Variants in FUT8 observed in about 807,000 individuals in gnomAD.
The protein encoded by FUT8 is fucosyltransferase 8, also known as alpha-(1,6)-fucosyltransferase.
Under a neutral mutation model 71.3 loss-of-function variants are expected in FUT8, and 29 were observed. The ratio of observed to expected loss-of-function variants is 0.41; its 90% confidence interval spans 0.30 to 0.55. The LOEUF is 0.55. FUT8 is among the 20% of genes least tolerant of loss of function. The probability of loss-of-function intolerance (pLI) is 0.34; values close to 1 mark genes in which losing one functional copy is unlikely to be tolerated. For synonymous variants in FUT8, 254 were observed against 239.3 expected, an observed-to-expected ratio of 1.06 and a Z score of -0.57; for missense variants, 544 against 702.1, an observed-to-expected ratio of 0.77 and a Z score of 2.55.
In FUT8 at chr14:65,526,828, G is replaced by T. The variant is rs898783312; in HGVS notation, c.-227-34509G>T. On this transcript the variant is annotated intron_variant, in intron 2 of 10. Coordinates refer to ENST00000673929, the MANE Select transcript of FUT8 (RefSeq NM_001371533.1). ...ATTTCTCCTTCACTTATGAAGCTTA[G>T]TTTGGCTGGATATGAAATTCTGGGT... 3.2e-4 allele frequency among the ~76,000 whole-genome samples: 49 copies of T among 152,134 alleles called. 1 individual carries two copies. The highest frequency in any genetic ancestry group is 1.1e-3 in the African/African-American group (47 of 41,424).
intron 6 of FUT8, among the ~76,000 whole-genome samples, chr14:65,659,502 C>T (rs1891858218): frequency 6.6e-6 from 1 of 152,106 alleles, no homozygotes; most frequent in Non-Finnish European, 1.5e-5. Context: ...ACATTTGGAG[C>T]AGCTTTTGCA....
the FUT8 span, among the ~76,000 whole-genome samples, chr14:65,366,810 G>T: frequency 6.6e-6 from 1 of 152,120 alleles, no homozygotes; most frequent in Non-Finnish European, 1.5e-5. Flanking sequence ...TCAGTTAAAA[G>T]GTTTAAAATG....
At chr14:65,426,807 A>C (rs1184352303) in intron 1 of FUT8, among the ~76,000 whole-genome samples, 3 of 152,216 alleles carry the variant, frequency 2.0e-5, no homozygotes, top group Non-Finnish European at 4.4e-5. Flanking sequence ...TTAAAAGCTG[A>C]ATATGAATCC....
intron 9 of FUT8, among the ~76,000 whole-genome samples, chr14:65,731,186 C>T (rs1476023151): frequency 1.3e-5 from 2 of 152,052 alleles, no homozygotes; most frequent in African/African-American, 4.8e-5. Flanking sequence ...AGGGAGTAAC[C>T]AACAGGTAGA....
rs1163052408 is a variant in FUT8, at chr14:65,602,343, TCACACACACACACACACACACA to T, written c.204-13596_204-13575del. Among the ~76,000 whole-genome samples the T allele has an allele frequency of 5.2e-4, 25 of 48,502 alleles. No individual in the cohort carries two copies. The East Asian group carries it at 0.015, about 29-fold the overall frequency. The allele number at this position is 48,502 out of a possible 152,430, so 31.8% of individuals were successfully genotyped here. On this transcript the variant is annotated intron_variant, in intron 3 of 10. Coordinates refer to ENST00000673929, the MANE Select transcript of FUT8 (RefSeq NM_001371533.1). ...TCATGGCCGAGTAGCGTTCCATCTC[TCACACACACACACACACACACA>T]CACACACACACACACACACACACAC...
At chr14:65,605,331 T>C (rs2140181754) in intron 3 of FUT8, among the ~76,000 whole-genome samples, 2 of 152,054 alleles carry the variant, frequency 1.3e-5, no homozygotes, top group South Asian at 4.2e-4. Context: ...ACGGGCTTAA[T>C]TGCTTCCCCC....
intron 1 of FUT8, among the ~76,000 whole-genome samples, chr14:65,435,754 A>G (rs2065546065): frequency 6.7e-6 from 1 of 149,168 alleles, no homozygotes; most frequent in Non-Finnish European, 1.5e-5. Context: ...GTTGCTCTAC[A>G]TCCTTACTAG....
the FUT8 span, among the ~76,000 whole-genome samples, chr14:65,393,956 T>G: frequency 6.6e-6 from 1 of 152,096 alleles, no homozygotes; most frequent in East Asian, 1.9e-4. Context: ...TTTCCCCTTA[T>G]CATTATTATT....
At chr14:65,641,502 C>T (rs956292723) in intron 6 of FUT8, among the ~76,000 whole-genome samples, 4 of 152,138 alleles carry the variant, frequency 2.6e-5, no homozygotes, top group Non-Finnish European at 5.9e-5. Context: ...TGGGCATATA[C>T]TTCCATTTTT....
At chr14:65,450,856 C>G (rs2065811037) in intron 1 of FUT8, among the ~76,000 whole-genome samples, 1 of 151,656 alleles carries the variant, frequency 6.6e-6, no homozygotes, top group African/African-American at 2.4e-5. Context: ...CAGCCTACCA[C>G]CCTTCCACCC....
chr14:65,396,784 C>G, the FUT8 span, among the ~76,000 whole-genome samples: 1 of 152,200 alleles, frequency 6.6e-6, no homozygotes, highest in Non-Finnish European at 1.5e-5. This position sits in a 1 kb window ranked among gnomAD's most constrained non-coding sequence, Gnocchi z 5.5. Flanking sequence ...CCATTATCCT[C>G]TAATATTAAT....
upstream of FUT8, chr14:65,412,426 T>A (rs1387648728): frequency 2.3e-6 from 1 of 434,704 alleles, no homozygotes; most frequent in South Asian, 1.6e-5. Flanking sequence ...GCGAGTCTCC[T>A]CCCGGGATCC....
intron 7 of FUT8, among the ~76,000 whole-genome samples, chr14:65,699,145 TACACACACAC>T (rs60092488): frequency 0.32 from 42,089 of 131,916 alleles, 6,852 homozygotes; most frequent in Non-Finnish European, 0.38. Flanking sequence ...CCCTCCCTTC[TACACACACAC>T]ACACACACAC....
At chr14:65,423,639 T>C (rs1413918908) in intron 1 of FUT8, among the ~76,000 whole-genome samples, 2 of 152,202 alleles carry the variant, frequency 1.3e-5, no homozygotes, top group African/African-American at 2.4e-5. Flanking sequence ...TCTCCTGTTA[T>C]CGTGACGTTT....
intron 2 of FUT8, among the ~76,000 whole-genome samples, chr14:65,487,487 C>T (rs1390496610): frequency 6.9e-5 from 10 of 144,722 alleles, no homozygotes; most frequent in Non-Finnish European, 1.2e-4. Flanking sequence ...CACTTGAACC[C>T]GGGAGGCAGA....
At chr14:65,466,729 G>A (rs1040679070) in intron 2 of FUT8, among the ~76,000 whole-genome samples, 1 of 151,876 alleles carries the variant, frequency 6.6e-6, no homozygotes, top group Non-Finnish European at 1.5e-5. Flanking sequence ...TAGTCTGGGC[G>A]ACAGAGCAAG....
At chr14:65,715,999 A>G (rs994220980) in intron 7 of FUT8, among the ~76,000 whole-genome samples, 1 of 151,836 alleles carries the variant, frequency 6.6e-6, no homozygotes, top group Non-Finnish European at 1.5e-5. Flanking sequence ...ACAACTTGAT[A>G]GTATTTCAAT....
At chr14:65,384,670 T>C in the FUT8 span, among the ~76,000 whole-genome samples, 1 of 152,230 alleles carries the variant, frequency 6.6e-6, no homozygotes, top group Non-Finnish European at 1.5e-5. This position sits in a 1 kb window ranked among gnomAD's most constrained non-coding sequence, Gnocchi z 4.2. Flanking sequence ...CTTCATTTGG[T>C]TCAGTGTCTT....
intron 2 of FUT8, among the ~76,000 whole-genome samples, chr14:65,485,918 C>T (rs1594687586): frequency 6.6e-6 from 1 of 152,194 alleles, no homozygotes; most frequent in Non-Finnish European, 1.5e-5. Context: ...TCTAGAATCG[C>T]TGTTCTTTGT....
Sources: gnomAD v4.1 joint callset for allele counts (sites outside exome capture counted in the v4.1 genomes callset) on GRCh38, gnomAD v4.1.1 for gene constraint, Gnocchi (gnomAD v3.1) non-coding constraint, MANE v1.5 for transcripts, NCBI Gene and HGNC (gene_info 2026-07-23, HGNC 2026-07-21) for gene names.